ETV6: variants seen among roughly 807,000 people sequenced by gnomAD.
The protein encoded by ETV6 is transcription factor ETV6.
A neutral mutation model predicts 51.1 loss-of-function variants in ETV6; 16 were observed. That is an observed-to-expected ratio of 0.31 (90% CI 0.21 to 0.48). ETV6 has a LOEUF of 0.48. Ranked by LOEUF, ETV6 falls within the 20% of genes least tolerant of loss-of-function variation. The pLI, the probability that ETV6 is intolerant of heterozygous loss-of-function variation, is 0.99. For missense variants in ETV6, 458 were observed against 594.8 expected (o/e 0.77, Z 2.39); for synonymous variants, 240 against 224.1 (o/e 1.07, Z -0.64).
intron 1 of ETV6, among the ~76,000 whole-genome samples, chr12:11,712,962 T>C (rs1220551307): frequency 6.6e-6 from 1 of 152,064 alleles, no homozygotes; most frequent in Non-Finnish European, 1.5e-5. Context: ...TTTCCTTCTC[T>C]CTCCTCACTG....
intron 7 of ETV6, among the ~76,000 whole-genome samples, chr12:11,886,461 A>G (rs1304148863): frequency 1.7e-5 from 1 of 59,866 alleles, no homozygotes; most frequent in Non-Finnish European, 4.3e-5. Flanking sequence ...TGGGTCCATC[A>G]GAGCTTTTTT....
rs543325109 is a variant in ETV6 at position 11,673,683 on chromosome 12, TTC to T, written c.33+23529_33+23530del. On this transcript the variant is annotated intron_variant, in intron 1 of 7. Transcript: ENST00000396373. ...TTTGTAGTTGCCCAAATACATCAGT[TTC>T]TCTCTTATGTAAGAGAGCTTGTCTC... Among the ~76,000 whole-genome samples, 7 of 152,350 alleles carry T rather than the reference TTC, an allele frequency of 4.6e-5. 1 individual carries two copies. The South Asian group carries it at 1.4e-3, about 32-fold the overall frequency.
At chr12:11,715,659 G>T (rs1023775513) in intron 1 of ETV6, among the ~76,000 whole-genome samples, 3 of 152,214 alleles carry the variant, frequency 2.0e-5, no homozygotes, top group Admixed American at 2.0e-4. Context: ...CGAACTTATA[G>T]AGGTCACACA....
intron 1 of ETV6, among the ~76,000 whole-genome samples, chr12:11,735,618 G>T (rs1412974384): frequency 2.0e-5 from 3 of 152,038 alleles, no homozygotes; most frequent in African/African-American, 7.2e-5. Flanking sequence ...TTATTTTTTT[G>T]AGATGGAGTT....
Position 11,731,979 on chromosome 12 carries a change from C to T in ETV6, c.34-20471C>T, listed in dbSNP as rs1037759226. ...CCACATCCCCGGAACCCCTTCAGTC[C>T]CAGACAAACCAGCATGGTTGGGTCA... On this transcript the variant is annotated intron_variant, in intron 1 of 7. Transcript: ENST00000396373. 2.6e-5 allele frequency among the ~76,000 whole-genome samples: 4 copies of T among 152,274 alleles called. No homozygotes were observed. In the South Asian group the frequency reaches 6.2e-4, roughly 24 times the overall value.
chr12:11,682,835 C>T (rs1864557663), intron 1 of ETV6, among the ~76,000 whole-genome samples: 1 of 152,118 alleles, frequency 6.6e-6, no homozygotes, highest in Admixed American at 6.5e-5. Flanking sequence ...ATAGGGAATC[C>T]TTTCCCCATT....
chr12:11,700,894 G>C (rs1396668233), intron 1 of ETV6, among the ~76,000 whole-genome samples: 1 of 152,108 alleles, frequency 6.6e-6, no homozygotes, highest in Non-Finnish European at 1.5e-5. Context: ...CAAACATGCT[G>C]TTCGAGGGTC....
intron 1 of ETV6, among the ~76,000 whole-genome samples, chr12:11,738,970 T>C (rs1008048920): frequency 6.6e-6 from 1 of 152,094 alleles, no homozygotes; most frequent in Admixed American, 6.5e-5. Flanking sequence ...TTGCACTGCA[T>C]AGTGATGATT....
intron 1 of ETV6, among the ~76,000 whole-genome samples, chr12:11,659,969 G>C (rs1189402947): frequency 6.6e-6 from 1 of 152,182 alleles, no homozygotes; most frequent in Non-Finnish European, 1.5e-5. Flanking sequence ...AATACAGCTA[G>C]ATAGAAGGAA....
intron 3 of ETV6, among the ~76,000 whole-genome samples, chr12:11,844,834 C>A (rs1221689268): frequency 6.7e-6 from 1 of 150,228 alleles, no homozygotes; most frequent in Non-Finnish European, 1.5e-5. Flanking sequence ...CATTTTATTT[C>A]TTTTCTTTTT....
chr12:11,856,332 G>A (rs1946632695), intron 4 of ETV6, among the ~76,000 whole-genome samples: 1 of 152,230 alleles, frequency 6.6e-6, no homozygotes, highest in Non-Finnish European at 1.5e-5. Context: ...GGTCAAGGGT[G>A]TCATTGCCCT....
At chr12:11,851,247 A>G (rs915871010) in intron 3 of ETV6, among the ~76,000 whole-genome samples, 2 of 138,758 alleles carry the variant, frequency 1.4e-5, no homozygotes, top group Non-Finnish European at 3.1e-5. Flanking sequence ...TTTTTTTTTT[A>G]GTAATAGTAA....
At chr12:11,782,957 T>G (rs1945433158) in intron 2 of ETV6, among the ~76,000 whole-genome samples, 1 of 152,134 alleles carries the variant, frequency 6.6e-6, no homozygotes, top group African/African-American at 2.4e-5. Flanking sequence ...GCTGGAAGTT[T>G]AAATAGGGGA....
At chr12:11,704,862 C>T (rs899936848) in intron 1 of ETV6, among the ~76,000 whole-genome samples, 5 of 151,818 alleles carry the variant, frequency 3.3e-5, no homozygotes, top group Admixed American at 2.6e-4. Flanking sequence ...TTTTATTAAG[C>T]CTTAAAAAAG....
chr12:11,678,924 C>T (rs1288543232), intron 1 of ETV6, among the ~76,000 whole-genome samples: 1 of 152,120 alleles, frequency 6.6e-6, no homozygotes, highest in Non-Finnish European at 1.5e-5. Context: ...TGTTCAGGCC[C>T]ATAATGGATT....
At position 11,884,468 on chromosome 12, in the gene ETV6, G is replaced by A. The variant is rs765031845; in HGVS notation, c.1033G>A (p.Val345Ile). Residue 345 changes from valine (V) to isoleucine (I), a missense_variant, in exon 6 of 8, where the codon GTC becomes ATC. Physicochemically the swap from Val to Ile is conservative, Grantham distance 29 (BLOSUM62 3). Transcript: ENST00000396373. ...IADCRLLWDY[V>I]YQLLSDSRYE... Reference sequence around the variant, plus strand: ...AGACTGTAGACTGCTTTGGGATTACGTCTATCAGTTGCTTTCTGACAGCCG... The same window carrying A: ...AGACTGTAGACTGCTTTGGGATTACATCTATCAGTTGCTTTCTGACAGCCG... 15 of 1,614,044 alleles carry A rather than the reference G, an allele frequency of 9.3e-6. No homozygotes were observed. Among genetic ancestry groups the A allele is most frequent in the East Asian group, 6.7e-5 (3 of 44,894 alleles).
intron 4 of ETV6, among the ~76,000 whole-genome samples, chr12:11,864,149 G>C (rs1343212303): frequency 1.3e-5 from 2 of 152,234 alleles, no homozygotes; most frequent in Non-Finnish European, 2.9e-5. Context: ...GGAACGGAGA[G>C]TGAAATCTCT....
chr12:11,822,392 C>T (rs1453436571), intron 2 of ETV6, among the ~76,000 whole-genome samples: 1 of 152,224 alleles, frequency 6.6e-6, no homozygotes, highest in Non-Finnish European at 1.5e-5. Flanking sequence ...TTAGAACTCT[C>T]CCGCATACGT....
intron 2 of ETV6, among the ~76,000 whole-genome samples, chr12:11,779,921 G>T (rs762934182): frequency 6.6e-5 from 10 of 152,182 alleles, no homozygotes; most frequent in Non-Finnish European, 1.3e-4. Context: ...AATTAAATGA[G>T]CTGATAAAAT....
Sources: allele counts gnomAD v4.1 joint callset (sites outside exome capture counted in the v4.1 genomes callset), GRCh38; gene constraint gnomAD v4.1.1; transcripts MANE v1.5; gene names NCBI Gene and HGNC (gene_info 2026-07-23, HGNC 2026-07-21).